The following PMFBP1 variants were observed in gnomAD, a reference collection of about 807,000 sequenced individuals.
PMFBP1 encodes polyamine modulated factor 1 binding protein 1.
Under a neutral mutation model 137.8 loss-of-function variants are expected in PMFBP1, and 131 were observed. That is an observed-to-expected ratio of 0.95 (90% CI 0.82 to 1.10). PMFBP1 has a LOEUF of 1.10. PMFBP1 is among the 50% of genes least tolerant of loss of function. The pLI is 0.00. For missense variants in PMFBP1, 1,199 were observed against 1,175.4 expected, an observed-to-expected ratio of 1.02 and a Z score of -0.29; for synonymous variants, 490 against 450.4, an observed-to-expected ratio of 1.09 and a Z score of -1.11.
At chr16:72,210,041 C>A in the PMFBP1 span, among the ~76,000 whole-genome samples, 1 of 152,148 alleles carries the variant, frequency 6.6e-6, no homozygotes, top group Non-Finnish European at 1.5e-5. Context: ...GGCACCTTTC[C>A]TTGCTTGTTC....
the PMFBP1 span, among the ~76,000 whole-genome samples, chr16:72,230,128 C>T: frequency 6.6e-6 from 1 of 152,190 alleles, no homozygotes; most frequent in Non-Finnish European, 1.5e-5. Context: ...AATCCTAACA[C>T]ATTCATTTGT....
chr16:72,123,687 G>A, intron 17 of PMFBP1, 38 bp from the exon 18 acceptor site: 2 of 1,576,658 alleles, frequency 1.3e-6, no homozygotes, highest in Non-Finnish European at 8.7e-7. Context: ...TCAGAGGTGG[G>A]AGCACAGGCC....
intron 3 of PMFBP1, among the ~76,000 whole-genome samples, chr16:72,164,158 G>A (rs996609220): frequency 2.0e-4 from 30 of 152,188 alleles, no homozygotes; most frequent in South Asian, 2.1e-4. Context: ...AGCACGCCTC[G>A]GGTTACCTCT....
chr16:72,132,604 T>C (rs1327864699), intron 10 of PMFBP1, 144 bp downstream of exon 10: 11 of 1,326,502 alleles, frequency 8.3e-6, no homozygotes, highest in Non-Finnish European at 1.0e-5. Context: ...CTGTGAGGTA[T>C]AGGATGAGGC....
At chr16:72,177,302 C>A (rs1376389031), upstream of PMFBP1, among the ~76,000 whole-genome samples, 1 of 152,208 alleles carries the variant, frequency 6.6e-6, no homozygotes, top group Non-Finnish European at 1.5e-5. Flanking sequence ...TCTTGTATGG[C>A]AGCTACTATA....
the PMFBP1 span, among the ~76,000 whole-genome samples, chr16:72,189,982 C>T: frequency 2.6e-5 from 4 of 151,984 alleles, no homozygotes; most frequent in Non-Finnish European, 5.9e-5. Context: ...CGGGTCTTGG[C>T]AGGCAGTCAG....
chr16:72,195,748 T>G, the PMFBP1 span, among the ~76,000 whole-genome samples: 4 of 152,248 alleles, frequency 2.6e-5, no homozygotes, highest in Non-Finnish European at 5.9e-5. Flanking sequence ...AGCTTGTACT[T>G]AAACCTCAGC....
chr16:72,129,081 T>G lies in PMFBP1; in HGVS notation c.1935A>C (p.Lys645Asn), dbSNP rs747705883. ...GELEALRQEF[K>N]KKDKTLKENS... ...TCCCACTCACCGTCTTGTCTTTCTT[T>G]TTAAATTCCTGCCGCAAAGCTTCAA... Residue 645 changes from lysine to asparagine, a missense_variant, in exon 13 of 21, where the codon AAA becomes AAC. Physicochemically the swap from Lys to Asn is moderately conservative, Grantham distance 94. Transcript: ENST00000237353. 6.2e-7 allele frequency: 1 copy of G among 1,613,884 alleles called. No homozygotes were observed. The highest frequency in any genetic ancestry group is 1.1e-5 in the South Asian group (1 of 91,002).
At chr16:72,125,162 A>G (rs2042435689) in intron 16 of PMFBP1, 76 bp downstream of exon 16, 2 of 1,533,716 alleles carry the variant, frequency 1.3e-6, no homozygotes, top group African/African-American at 2.8e-5. Context: ...ACTTAGTGCT[A>G]AATAATTCTG....
the PMFBP1 span, among the ~76,000 whole-genome samples, chr16:72,221,226 T>C: frequency 1.9e-4 from 29 of 152,296 alleles, no homozygotes; most frequent in African/African-American, 6.3e-4. Context: ...TTAGGCACTT[T>C]AAAATATGCA....
the PMFBP1 span, among the ~76,000 whole-genome samples, chr16:72,188,806 T>C: frequency 1.8e-4 from 28 of 151,458 alleles, no homozygotes; most frequent in Middle Eastern, 3.4e-3. Flanking sequence ...TCTATGCCCA[T>C]ACTCCCTAAT....
upstream of PMFBP1, among the ~76,000 whole-genome samples, chr16:72,172,828 C>T (rs1313966358): frequency 6.6e-6 from 1 of 152,114 alleles, no homozygotes; most frequent in Non-Finnish European, 1.5e-5. Flanking sequence ...TAAAAAAATG[C>T]TGATGTGGAC....
the PMFBP1 span, among the ~76,000 whole-genome samples, chr16:72,227,509 G>T: frequency 6.6e-6 from 1 of 152,064 alleles, no homozygotes; most frequent in Non-Finnish European, 1.5e-5. Context: ...TAATAAAATT[G>T]GGATGATTCT....
the PMFBP1 span, among the ~76,000 whole-genome samples, chr16:72,211,172 C>G: frequency 1.3e-5 from 2 of 152,184 alleles, no homozygotes; most frequent in Non-Finnish European, 2.9e-5. Flanking sequence ...TCTTATGAAA[C>G]AAACTAGACT....
intron 6 of PMFBP1, among the ~76,000 whole-genome samples, chr16:72,140,045 G>C (rs1053691350): frequency 6.6e-6 from 1 of 152,174 alleles, no homozygotes. Context: ...TATTCTTGAC[G>C]ATAAGTCACA....
chr16:72,204,617 G>C, the PMFBP1 span, among the ~76,000 whole-genome samples: 1 of 152,178 alleles, frequency 6.6e-6, no homozygotes, highest in East Asian at 1.9e-4. Context: ...TGTGTATTCA[G>C]GTACACGATG....
At chr16:72,239,704 C>T in the PMFBP1 span, among the ~76,000 whole-genome samples, 8 of 151,576 alleles carry the variant, frequency 5.3e-5, no homozygotes, top group Admixed American at 4.6e-4. Context: ...CCATCCTGGC[C>T]AACATGGTGA....
At chr16:72,129,534 TG>T (rs2144274084) in intron 12 of PMFBP1, among the ~76,000 whole-genome samples, 1 of 152,328 alleles carries the variant, frequency 6.6e-6, no homozygotes, top group East Asian at 1.9e-4. Flanking sequence ...AAAACCTTTT[TG>T]AATGAAGTTT....
the PMFBP1 span, among the ~76,000 whole-genome samples, chr16:72,188,103 T>A: frequency 6.6e-6 from 1 of 152,256 alleles, no homozygotes; most frequent in Non-Finnish European, 1.5e-5. Flanking sequence ...ATGATGTAGT[T>A]TGTTTAATAT....
Sources: gnomAD v4.1 joint callset for allele counts (sites outside exome capture counted in the v4.1 genomes callset) on GRCh38, gnomAD v4.1.1 for gene constraint, MANE v1.5 for transcripts, NCBI Gene and HGNC (gene_info 2026-07-23, HGNC 2026-07-21) for gene names.